Variants in GOLPH3L observed in about 807,000 individuals in gnomAD.
The protein encoded by GOLPH3L is golgi phosphoprotein 3 like.
Under a neutral mutation model 30.3 loss-of-function variants are expected in GOLPH3L, and 22 were observed. The observed-to-expected ratio is 0.73, with a 90% CI of 0.52 to 1.04. GOLPH3L has a LOEUF of 1.04. Ranked by LOEUF, GOLPH3L falls within the 50% of genes least tolerant of loss-of-function variation. The pLI is 0.00. For missense variants in GOLPH3L, 303 were observed against 345.8 expected (o/e 0.88, Z 0.98); for synonymous variants, 120 against 128.2 (o/e 0.94, Z 0.43).
At chr1:150,674,664 C>T (rs967400749) in intron 2 of GOLPH3L, among the ~76,000 whole-genome samples, 2 of 151,906 alleles carry the variant, frequency 1.3e-5, no homozygotes, top group South Asian at 2.1e-4. Context: ...AGCTGAGGCA[C>T]GAGGACCACT....
Position 150,647,995 on chromosome 1 carries a change from G to T in GOLPH3L, c.*326C>A. 3.9e-6 allele frequency: 1 copy of T among 254,370 alleles called. No individual in the cohort carries two copies. Among genetic ancestry groups the T allele is most frequent in the Non-Finnish European group, 7.5e-6 (1 of 134,032 alleles). The allele number at this position is 254,370 out of a possible 1,614,324, so 15.8% of individuals were successfully genotyped here. On this transcript the variant is annotated 3_prime_UTR_variant, in exon 5 of 5. Transcript: ENST00000271732. Reference sequence around the variant, plus strand: ...ATCTCATTCACATTCTATAGCTGGAGAACTCAAAATCCCATTTAGATATTT... The same window carrying T: ...ATCTCATTCACATTCTATAGCTGGATAACTCAAAATCCCATTTAGATATTT...
intron 2 of GOLPH3L, among the ~76,000 whole-genome samples, chr1:150,676,027 G>A (rs1416915638): frequency 6.8e-6 from 1 of 147,346 alleles, no homozygotes; most frequent in Non-Finnish European, 1.5e-5. Context: ...CAGTAGAGGT[G>A]CAGTGGTGTG....
intron 2 of GOLPH3L, among the ~76,000 whole-genome samples, chr1:150,664,524 G>A (rs1465040769): frequency 6.6e-6 from 1 of 152,006 alleles, no homozygotes; most frequent in Non-Finnish European, 1.5e-5. Context: ...CGTGATCTTG[G>A]CTCACTGCAA....
intron 4 of GOLPH3L, among the ~76,000 whole-genome samples, chr1:150,654,857 C>T (rs192270950): frequency 6.6e-6 from 1 of 152,112 alleles, no homozygotes; most frequent in Non-Finnish European, 1.5e-5. Context: ...CCCTTGCCAG[C>T]GGGAACGATA....
intron 2 of GOLPH3L, among the ~76,000 whole-genome samples, chr1:150,685,811 A>G (rs17599629): frequency 0.17 from 25,453 of 152,026 alleles, 2,496 homozygotes; most frequent in Non-Finnish European, 0.22. Context: ...ACGATCCTGA[A>G]CAATTCTCTT....
chr1:150,654,299 G>C (rs953357678), intron 4 of GOLPH3L, among the ~76,000 whole-genome samples: 1 of 151,352 alleles, frequency 6.6e-6, no homozygotes, highest in African/African-American at 2.4e-5. Context: ...TTGAGGTCAG[G>C]AGTTCAAGAC....
Position 150,661,853 on chromosome 1 carries a change from G to GT in GOLPH3L, c.390dup (p.Pro131ThrfsTer15). 1 of 1,588,522 alleles carries GT rather than the reference G, an allele frequency of 6.3e-7. No homozygotes were observed. The highest frequency in any genetic ancestry group is 8.6e-7 in the Non-Finnish European group (1 of 1,156,648). On this transcript the variant is annotated frameshift_variant, in exon 4 of 5. Transcript: ENST00000271732. LOFTEE classifies it high-confidence loss of function. ...ATCCATGTTTGGACAGTTTCTGTGG[G>GT]TTCAGTTGCTTTGATGTGTTTCAGA...
rs1001273664 is a variant in GOLPH3L, at chr1:150,695,659, C to T, written c.-12-809G>A. Among the ~76,000 whole-genome samples the T allele has an allele frequency of 2.0e-5, 3 of 152,204 alleles. No homozygotes were observed. The South Asian group carries it at 6.2e-4, about 32-fold the overall frequency. Reference sequence around the variant, plus strand: ...AAAAAATAGAAAGTAAAAAAGAATACGAAAAACTAAATAGAAATACATGTT... The same window carrying T: ...AAAAAATAGAAAGTAAAAAAGAATATGAAAAACTAAATAGAAATACATGTT... On this transcript the variant is annotated intron_variant, in intron 1 of 4. Transcript: ENST00000271732.
intron 2 of GOLPH3L, among the ~76,000 whole-genome samples, chr1:150,683,193 G>A (rs924717467): frequency 2.0e-5 from 3 of 152,126 alleles, no homozygotes; most frequent in Non-Finnish European, 2.9e-5. Context: ...CATGAGGTCA[G>A]GAGTTCATGA....
At chr1:150,693,417 A>G (rs892255930) in intron 2 of GOLPH3L, among the ~76,000 whole-genome samples, 4 of 152,118 alleles carry the variant, frequency 2.6e-5, no homozygotes, top group Non-Finnish European at 4.4e-5. Flanking sequence ...TAACATTCTA[A>G]TTTTGTATGT....
rs113040713 is a variant in GOLPH3L at position 150,685,819 on chromosome 1, C to T, written c.183+8837G>A. Among the ~76,000 whole-genome samples, 1,223 of 150,808 alleles carry T rather than the reference C, an allele frequency of 8.1e-3. 9 individuals carry two copies. Among genetic ancestry groups the T allele is most frequent in the Non-Finnish European group, 0.011 (733 of 67,732 alleles). ...ACAGTTAACGATCCTGAACAATTCTCTTTATTTCAGGAAGAAATACAGAGA... is the reference window on the plus strand; with the variant it reads ...ACAGTTAACGATCCTGAACAATTCTTTTTATTTCAGGAAGAAATACAGAGA... On this transcript the variant is annotated intron_variant, in intron 2 of 4. Coordinates refer to ENST00000271732, the MANE Select transcript of GOLPH3L (RefSeq NM_018178.6).
At position 150,648,716 on chromosome 1, in the gene GOLPH3L, G is replaced by T. The variant is rs1270851797; in HGVS notation, c.463C>A (p.Gln155Lys). Residue 155 changes from glutamine (Q) to lysine (K), a missense_variant, in exon 5 of 5, where the codon CAG (glutamine) becomes AAG (lysine). Transcript: ENST00000271732. Reference sequence around the variant, plus strand: ...ATGCGCTCTCGTACATTTCTCAGCTGGTACTGTAATTTGAAGGGGTTCCAG... The same window carrying T: ...ATGCGCTCTCGTACATTTCTCAGCTTGTACTGTAATTTGAAGGGGTTCCAG... ...ETWNPFKLQY[Q>K]LRNVRERIAK... 3.1e-6 allele frequency: 5 copies of T among 1,611,778 alleles called. No individual in the cohort carries two copies. The highest frequency in any genetic ancestry group is 4.2e-6 in the Non-Finnish European group (5 of 1,178,084).
chr1:150,680,375 T>C (rs1244607371), intron 2 of GOLPH3L, among the ~76,000 whole-genome samples: 2 of 152,154 alleles, frequency 1.3e-5, no homozygotes, highest in Non-Finnish European at 2.9e-5. Context: ...CCAGATTATA[T>C]CCCCAAGTAA....
intron 2 of GOLPH3L, among the ~76,000 whole-genome samples, chr1:150,694,328 G>A: frequency 6.6e-6 from 1 of 151,892 alleles, no homozygotes; most frequent in East Asian, 1.9e-4. Context: ...TCAGTGTGTG[G>A]GCCCTTGTTC....
At chr1:150,678,715 A>G (rs587681337) in intron 2 of GOLPH3L, among the ~76,000 whole-genome samples, 57 of 152,306 alleles carry the variant, frequency 3.7e-4, no homozygotes, top group African/African-American at 1.4e-3. Flanking sequence ...GCGGTGGCTC[A>G]TGCCACCGAG....
At chr1:150,663,275 C>G (rs1380143858) in intron 3 of GOLPH3L, among the ~76,000 whole-genome samples, 1 of 152,100 alleles carries the variant, frequency 6.6e-6, no homozygotes, top group Non-Finnish European at 1.5e-5. Flanking sequence ...CGCCTGACCT[C>G]ATGATCCGCC....
At chr1:150,662,820 A>G (rs2101788933) in intron 3 of GOLPH3L, among the ~76,000 whole-genome samples, 1 of 152,354 alleles carries the variant, frequency 6.6e-6, no homozygotes, top group Non-Finnish European at 1.5e-5. Flanking sequence ...ACTGAAAAGA[A>G]GCTGGTGATA....
At chr1:150,650,155 A>G (rs991472237) in intron 4 of GOLPH3L, among the ~76,000 whole-genome samples, 1 of 152,306 alleles carries the variant, frequency 6.6e-6, no homozygotes, top group South Asian at 2.1e-4. Flanking sequence ...TGTGATGGCT[A>G]TGTCAAAATC....
rs78289163 is a variant in GOLPH3L, at chr1:150,648,763, A to G, written c.431-15T>C. On this transcript the variant is annotated splice_polypyrimidine_tract_variant and intron_variant, in intron 4 of 4. Transcript: ENST00000271732. ...CCAGGTCTCACCTATGAGAAAAAAG[A>G]AATAGGACATAATGAACTGAAAGAG... The G allele has an allele frequency of 6.8e-3, 10,411 of 1,540,760 alleles. 63 individuals carry two copies. Among genetic ancestry groups the G allele is most frequent in the Non-Finnish European group, 8.2e-3 (9,146 of 1,116,500 alleles).
Sources: gnomAD v4.1 joint callset for allele counts (sites outside exome capture counted in the v4.1 genomes callset) on GRCh38, gnomAD v4.1.1 for gene constraint, MANE v1.5 for transcripts, NCBI Gene and HGNC (gene_info 2026-07-23, HGNC 2026-07-21) for gene names.